The following COG5 variants were observed in gnomAD, a reference collection of about 807,000 sequenced individuals.
COG5 encodes conserved oligomeric Golgi complex subunit 5.
COG5 carries 86 observed loss-of-function variants against 110.4 expected under a neutral mutation model. The ratio of observed to expected loss-of-function variants is 0.78; its 90% CI spans 0.65 to 0.93. COG5 has a LOEUF of 0.93. Ranked by LOEUF, COG5 falls within the 40% of genes least tolerant of loss-of-function variation. COG5 has a pLI of 0.00. For missense variants in COG5, 1,077 were observed against 987.0 expected (o/e 1.09, Z -1.22); for synonymous variants, 360 against 334.6 (o/e 1.08, Z -0.83).
At chr7:107,455,701 T>C (rs975703202) in intron 6 of COG5, among the ~76,000 whole-genome samples, 15 of 152,128 alleles carry the variant, frequency 9.9e-5, no homozygotes, top group Admixed American at 5.9e-4. Flanking sequence ...TAAATTTGTA[T>C]AGTTTATGAT....
intron 6 of COG5, among the ~76,000 whole-genome samples, chr7:107,452,813 G>A (rs1315982014): frequency 1.3e-5 from 2 of 152,144 alleles, no homozygotes; most frequent in Non-Finnish European, 2.9e-5. Context: ...TTCTAGGAAA[G>A]GCTGTCTCTT....
chr7:107,329,566 T>C (rs940151718), intron 10 of COG5, among the ~76,000 whole-genome samples: 2 of 152,018 alleles, frequency 1.3e-5, no homozygotes, highest in African/African-American at 4.8e-5. Context: ...TATAAAAAGA[T>C]AGAATGTTAA....
chr7:107,436,218 G>C (rs1794357133), intron 6 of COG5, among the ~76,000 whole-genome samples: 1 of 152,158 alleles, frequency 6.6e-6, no homozygotes, highest in Non-Finnish European at 1.5e-5. Context: ...AATGTCCATG[G>C]ACAGATGAAT....
At chr7:107,540,910 G>T (rs1370848474) in intron 5 of COG5, among the ~76,000 whole-genome samples, 1 of 152,080 alleles carries the variant, frequency 6.6e-6, no homozygotes, top group Non-Finnish European at 1.5e-5. Flanking sequence ...CAGCACTTTG[G>T]GAGGCTGAGG....
chr7:107,355,867 T>C (rs1051308495), intron 10 of COG5, among the ~76,000 whole-genome samples: 20 of 152,232 alleles, frequency 1.3e-4, no homozygotes, highest in Non-Finnish European at 2.6e-4. Flanking sequence ...ATTCATGACA[T>C]ACATTTGCAT....
At chr7:107,247,147 TTA>T (rs978628402) in intron 17 of COG5, among the ~76,000 whole-genome samples, 19 of 152,154 alleles carry the variant, frequency 1.2e-4, no homozygotes, top group African/African-American at 4.6e-4. Flanking sequence ...GTGTTCTCAC[TTA>T]TAAGTGGGAT....
At chr7:107,560,796 G>T (rs1803712605) in intron 1 of COG5, among the ~76,000 whole-genome samples, 1 of 152,146 alleles carries the variant, frequency 6.6e-6, no homozygotes, top group Non-Finnish European at 1.5e-5. Flanking sequence ...GTCCATACAG[G>T]TTATGGAATG....
At chr7:107,415,807 T>C in intron 6 of COG5, among the ~76,000 whole-genome samples, 1 of 115,408 alleles carries the variant, frequency 8.7e-6, no homozygotes, top group Non-Finnish European at 2.0e-5. Flanking sequence ...TATGTGTGTA[T>C]ATATACACAC....
intron 5 of COG5, among the ~76,000 whole-genome samples, chr7:107,544,530 A>C (rs1802278395): frequency 6.6e-6 from 1 of 152,210 alleles, no homozygotes. Context: ...CATGGACCCA[A>C]GCACCAGACC....
chr7:107,372,864 T>C (rs1814307900), intron 7 of COG5, 104 bp from the exon 8 acceptor site: 1 of 957,408 alleles, frequency 1.0e-6, no homozygotes, highest in Non-Finnish European at 1.6e-6. Context: ...TCCTATCATA[T>C]TTAAATACTA....
chr7:107,542,113 A>G (rs907207734), intron 5 of COG5, among the ~76,000 whole-genome samples: 1 of 152,192 alleles, frequency 6.6e-6, no homozygotes, highest in Non-Finnish European at 1.5e-5. Context: ...GCTTCAGGGT[A>G]GAGAAAGTTA....
rs1802241742 is a variant in COG5, at chr7:107,248,630, A to T, written c.1750-131T>A. ...TATCAAATGCAGACTAAGTTAACAG[A>T]AGTCTGCTCCTCTCCCTAACCACTG... On this transcript the variant is annotated intron_variant, in intron 16 of 21. Transcript: ENST00000297135. 4 of 686,472 alleles carry T rather than the reference A, an allele frequency of 5.8e-6. No individual in the cohort carries two copies. In the East Asian group the frequency reaches 1.1e-4, roughly 18 times the overall value. 42.5% of individuals were successfully genotyped at this position (686,472 alleles called of 1,614,324 possible).
intron 10 of COG5, among the ~76,000 whole-genome samples, chr7:107,351,991 G>A (rs1363590186): frequency 1.4e-5 from 2 of 145,438 alleles, no homozygotes; most frequent in Admixed American, 6.9e-5. Context: ...AAATCACGCT[G>A]CTATAAAGAC....
chr7:107,308,138 T>C (rs1235146734), intron 11 of COG5, among the ~76,000 whole-genome samples: 1 of 152,180 alleles, frequency 6.6e-6, no homozygotes, highest in African/African-American at 2.4e-5. Flanking sequence ...ACTGGGACAT[T>C]TGTCCTACAG....
intron 6 of COG5, among the ~76,000 whole-genome samples, chr7:107,432,844 A>G (rs1331589386): frequency 2.6e-5 from 4 of 152,176 alleles, no homozygotes; most frequent in Non-Finnish European, 5.9e-5. Context: ...CAATTAGGCA[A>G]GAAAAGAAAT....
At chr7:107,263,081 C>T (rs1005789004) in intron 14 of COG5, among the ~76,000 whole-genome samples, 2 of 152,158 alleles carry the variant, frequency 1.3e-5, no homozygotes, top group Non-Finnish European at 2.9e-5. Flanking sequence ...GGAATGAGAA[C>T]AAAACGCTAG....
intron 13 of COG5, among the ~76,000 whole-genome samples, chr7:107,282,766 G>T (rs919377573): frequency 3.3e-5 from 5 of 152,032 alleles, no homozygotes; most frequent in Non-Finnish European, 5.9e-5. Context: ...ACCCACCTCC[G>T]CCTCCCAAAG....
chr7:107,493,847 C>T (rs1386910164), intron 6 of COG5, among the ~76,000 whole-genome samples: 1 of 152,082 alleles, frequency 6.6e-6, no homozygotes, highest in African/African-American at 2.4e-5. Context: ...AAAGAAAGAA[C>T]AACTTCTATT....
intron 10 of COG5, among the ~76,000 whole-genome samples, chr7:107,342,967 T>C (rs1409753879): frequency 1.3e-5 from 2 of 152,144 alleles, no homozygotes; most frequent in African/African-American, 4.8e-5. Context: ...AGAATCAACC[T>C]AGGTGCCCAT....
Sources: allele counts gnomAD v4.1 joint callset (sites outside exome capture counted in the v4.1 genomes callset), GRCh38; gene constraint gnomAD v4.1.1; transcripts MANE v1.5; gene names NCBI Gene and HGNC (gene_info 2026-07-23, HGNC 2026-07-21).